Variants in ANO6 observed in about 807,000 individuals in gnomAD.
ANO6 encodes anoctamin 6.
A neutral mutation model predicts 117.5 loss-of-function variants in ANO6; 106 were observed. That is an observed-to-expected ratio of 0.90 (90% confidence interval 0.77 to 1.06). ANO6 has a LOEUF of 1.06. Ranked by LOEUF, ANO6 falls within the 50% of genes least tolerant of loss-of-function variation. ANO6 has a pLI of 0.00. For synonymous variants in ANO6, 367 were observed against 385.1 expected (o/e 0.95, Z 0.55); for missense variants, 955 against 1,121.1 (o/e 0.85, Z 2.12).
In ANO6 at chr12:45,430,377, T is replaced by C; in HGVS notation, c.*1066T>C. ...ACAGCAAGTGCCCTCATTGTGGTCA[T>C]TGGGTGGGGAGTGCCTTTTGTCAAG... On this transcript the variant is annotated 3_prime_UTR_variant, in exon 20 of 20. Coordinates refer to ENST00000320560, the MANE Select transcript of ANO6 (RefSeq NM_001025356.3). 2.0e-6 allele frequency: 2 copies of C among 985,398 alleles called. No individual in the cohort carries two copies. The highest frequency in any genetic ancestry group is 1.1e-4 in the East Asian group (1 of 8,794). 61.0% of individuals were successfully genotyped at this position (985,398 alleles called of 1,614,324 possible). A position where few individuals can be genotyped will look rare whatever the true frequency, so the allele number is the denominator to read the frequency against.
chr12:45,216,628 GC>G (rs1421615241), intron 1 of ANO6, among the ~76,000 whole-genome samples: 2 of 152,238 alleles, frequency 1.3e-5, no homozygotes, highest in Non-Finnish European at 2.9e-5. Flanking sequence ...CTCCTGACGG[GC>G]GGGGGATGCT....
intron 12 of ANO6, among the ~76,000 whole-genome samples, chr12:45,398,343 A>T (rs1942686200): frequency 6.6e-6 from 1 of 152,196 alleles, no homozygotes; most frequent in African/African-American, 2.4e-5. Flanking sequence ...GTGAGATATG[A>T]TTTTTCACCT....
At chr12:45,364,563 T>C (rs899726204) in intron 8 of ANO6, among the ~76,000 whole-genome samples, 2 of 152,238 alleles carry the variant, frequency 1.3e-5, no homozygotes, top group African/African-American at 4.8e-5. Flanking sequence ...ATTCTTCTGC[T>C]ATTTCATATC....
intron 1 of ANO6, among the ~76,000 whole-genome samples, chr12:45,238,263 G>C (rs1408889177): frequency 6.7e-6 from 1 of 149,636 alleles, no homozygotes; most frequent in African/African-American, 2.5e-5. Context: ...TGATTCTCCT[G>C]CCTCAGTCTC....
intron 12 of ANO6, among the ~76,000 whole-genome samples, chr12:45,391,931 A>T (rs1942463924): frequency 6.6e-6 from 1 of 152,226 alleles, no homozygotes; most frequent in South Asian, 2.1e-4. Context: ...TCCCAGCGTG[A>T]TCAACACAGA....
intron 9 of ANO6, among the ~76,000 whole-genome samples, chr12:45,371,920 G>A (rs1306983891): frequency 4.0e-5 from 6 of 151,830 alleles, no homozygotes; most frequent in East Asian, 1.9e-4. Context: ...TCTGAGCTAC[G>A]GGAGGACATT....
chr12:45,344,586 C>T (rs1941075228), intron 3 of ANO6, among the ~76,000 whole-genome samples: 1 of 152,134 alleles, frequency 6.6e-6, no homozygotes, highest in Admixed American at 6.5e-5. Context: ...GAAATCCGCC[C>T]CCATGATTAA....
Position 45,396,277 on chromosome 12 carries a change from A to G in ANO6, c.1387-5518A>G, listed in dbSNP as rs148652606. On this transcript the variant is annotated intron_variant, in intron 12 of 19. Transcript: ENST00000320560. ...AGAGAATAAAATACCTAGGAATCCA[A>G]CTTAAAAGGGATATGAAGGACTTCT... Among the ~76,000 whole-genome samples the G allele has an allele frequency of 4.1e-3, 631 of 152,314 alleles. 3 individuals carry two copies. Among genetic ancestry groups the G allele is most frequent in the Middle Eastern group, 0.01 (3 of 294 alleles).
intron 13 of ANO6, 103 bp from the exon 14 acceptor site, chr12:45,402,969 T>A (rs758075644): frequency 6.4e-6 from 7 of 1,095,680 alleles, no homozygotes; most frequent in Non-Finnish European, 9.5e-6. Flanking sequence ...AATTGTATTT[T>A]TTTAACGTGT....
At chr12:45,246,091 A>C (rs2137176483) in intron 1 of ANO6, among the ~76,000 whole-genome samples, 1 of 152,346 alleles carries the variant, frequency 6.6e-6, no homozygotes, top group Non-Finnish European at 1.5e-5. Context: ...TGAATTGCCA[A>C]GTCTGCCTGA....
chr12:45,241,489 T>G (rs956958415), intron 1 of ANO6, among the ~76,000 whole-genome samples: 6 of 152,332 alleles, frequency 3.9e-5, no homozygotes, highest in Admixed American at 3.3e-4. Context: ...CTTGGATGGA[T>G]TAGAACATAA....
At chr12:45,366,899 G>A (rs1941698911) in intron 8 of ANO6, among the ~76,000 whole-genome samples, 1 of 152,108 alleles carries the variant, frequency 6.6e-6, no homozygotes, top group South Asian at 2.1e-4. Flanking sequence ...GGTGTATGGG[G>A]ACATAATTCC....
intron 2 of ANO6, among the ~76,000 whole-genome samples, chr12:45,318,542 T>G (rs1392561544): frequency 6.6e-6 from 1 of 152,226 alleles, no homozygotes; most frequent in Admixed American, 6.5e-5. Flanking sequence ...TAGTATAGTT[T>G]GAAGTCAGGT....
At chr12:45,436,826 G>A (rs530634244), downstream of ANO6, among the ~76,000 whole-genome samples, 6 of 152,196 alleles carry the variant, frequency 3.9e-5, no homozygotes, top group South Asian at 2.1e-4. Flanking sequence ...AAAATTAGCC[G>A]TGTGTGGTGG....
chr12:45,240,849 T>C lies in ANO6; in HGVS notation c.70+24458T>C, dbSNP rs139913186. On this transcript the variant is annotated intron_variant, in intron 1 of 19. Coordinates refer to ENST00000320560, the MANE Select transcript of ANO6 (RefSeq NM_001025356.3). ...GGATATGAGATTCTGGGTTGAAAAT[T>C]CTTTTCTTTAACAATGTTGAATATT... Among the ~76,000 whole-genome samples, 1,445 of 152,324 alleles carry C rather than the reference T, an allele frequency of 9.5e-3. 24 individuals carry two copies. Among genetic ancestry groups the C allele is most frequent in the African/African-American group, 0.033 (1,360 of 41,558 alleles).
At chr12:45,307,719 C>T (rs118064375) in intron 2 of ANO6, among the ~76,000 whole-genome samples, 2,631 of 151,948 alleles carry the variant, frequency 0.017, 54 homozygotes, top group East Asian at 0.085. Context: ...GGACTGAGCC[C>T]GGGGGCACCA....
At chr12:45,354,934 A>C (rs1456153753) in intron 7 of ANO6, among the ~76,000 whole-genome samples, 1 of 152,238 alleles carries the variant, frequency 6.6e-6, no homozygotes, top group African/African-American at 2.4e-5. Context: ...CTTAATCCAC[A>C]TCTTCCAGAA....
chr12:45,311,009 A>G (rs142672066), intron 2 of ANO6, among the ~76,000 whole-genome samples: 5 of 152,208 alleles, frequency 3.3e-5, no homozygotes, highest in African/African-American at 9.6e-5. Context: ...AACTGAATAC[A>G]TTACTTTTTT....
At position 45,275,135 on chromosome 12, in the gene ANO6, G is replaced by A. The variant is rs1460137894; in HGVS notation, c.71-26879G>A. On this transcript the variant is annotated intron_variant, in intron 1 of 19. Coordinates refer to ENST00000320560, the MANE Select transcript of ANO6 (RefSeq NM_001025356.3). ...GAATCCCTGTGTTAAAAATACTAAAGAATCAAACACCTTTCTCTAGACCCT... is the reference window on the plus strand; with the variant it reads ...GAATCCCTGTGTTAAAAATACTAAAAAATCAAACACCTTTCTCTAGACCCT... Among the ~76,000 whole-genome samples, 3 of 151,962 alleles carry A rather than the reference G, an allele frequency of 2.0e-5. No homozygotes were observed. The South Asian group carries it at 6.2e-4, about 32-fold the overall frequency.
Sources: allele counts gnomAD v4.1 joint callset (sites outside exome capture counted in the v4.1 genomes callset), GRCh38; gene constraint gnomAD v4.1.1; transcripts MANE v1.5; gene names NCBI Gene and HGNC (gene_info 2026-07-23, HGNC 2026-07-21).